Variants in IGFN1 observed in about 807,000 individuals in gnomAD.
IGFN1 encodes the protein immunoglobulin-like and fibronectin type III domain-containing protein 1.
A neutral mutation model predicts 289.5 loss-of-function variants in IGFN1; 253 were observed. The ratio of observed to expected loss-of-function variants is 0.87; its 90% confidence interval spans 0.79 to 0.97. The LOEUF is 0.97. Among genes scored for constraint, IGFN1 ranks in the 50% least tolerant of loss-of-function variants. The pLI is 0.00. For missense variants in IGFN1, 4,470 were observed against 4,686.1 expected, an observed-to-expected ratio of 0.95 and a Z score of 1.35; for synonymous variants, 1,706 against 1,788.5, an observed-to-expected ratio of 0.95 and a Z score of 1.16.
intron 7 of IGFN1, among the ~76,000 whole-genome samples, chr1:201,199,923 CA>C (rs1394776027): frequency 6.7e-6 from 1 of 148,266 alleles, no homozygotes; most frequent in Non-Finnish European, 1.5e-5. Context: ...TCCACCAGAA[CA>C]ATGATGTACT....
intron 3 of IGFN1, among the ~76,000 whole-genome samples, chr1:201,195,634 A>G (rs149498135): frequency 6.6e-6 from 1 of 152,282 alleles, no homozygotes; most frequent in East Asian, 1.9e-4. Context: ...AAGAGGAAGC[A>G]CTGCCTTCTG....
intron 21 of IGFN1, 95 bp downstream of exon 21, chr1:201,224,969 C>G: frequency 3.5e-6 from 3 of 866,444 alleles, no homozygotes; most frequent in Non-Finnish European, 5.2e-6. Context: ...CTCAGCCACT[C>G]TACCAGGGCT....
rs780716660 is a variant in IGFN1, at chr1:201,228,554, G to A, written c.*155G>A. 1.1e-5 allele frequency: 9 copies of A among 784,372 alleles called. No individual in the cohort carries two copies. Among genetic ancestry groups the A allele is most frequent in the African/African-American group, 6.9e-5 (4 of 58,056 alleles). 48.6% of individuals were successfully genotyped at this position (784,372 alleles called of 1,614,324 possible). ...CTGGCGAGGTTTTGGCCAGGAGGAC[G>A]TGAAGTCCTTGGGGAAGAAAAACAA... is the stretch of plus-strand genomic sequence containing the variant. On this transcript the variant is annotated 3_prime_UTR_variant, in exon 24 of 24. Transcript: ENST00000335211.
At position 201,226,044 on chromosome 1, in the gene IGFN1, C is replaced by T. The variant is rs1310517995; in HGVS notation, c.10707C>T (p.Phe3569=). Residue 3569 remains phenylalanine, a synonymous_variant, in exon 22 of 24, where the codon TTC becomes TTT. Coordinates refer to ENST00000335211, the MANE Select transcript of IGFN1 (RefSeq NM_001164586.2). The stretch of plus-strand genomic sequence containing the variant: ...TCCTCCCCGGCCACGAATACCACTT[C>T]AGGGTGGTGGCCAAGAATGAGCTGG... ...LGILPGHEYH[F]RVVAKNELGA... The T allele has an allele frequency of 6.3e-7, 1 of 1,599,002 alleles. No homozygotes were observed. Among genetic ancestry groups the T allele is most frequent in the Non-Finnish European group, 8.5e-7 (1 of 1,170,732 alleles).
At chr1:201,193,098 T>A in intron 1 of IGFN1, 149 bp from the exon 2 acceptor site, 1 of 574,822 alleles carries the variant, frequency 1.7e-6, no homozygotes. Context: ...AGGAAACTAA[T>A]CAGTGCCATT....
intron 4 of IGFN1, 46 bp from the exon 5 acceptor site, chr1:201,197,172 A>G: frequency 1.5e-5 from 17 of 1,172,060 alleles, no homozygotes; most frequent in Non-Finnish European, 1.9e-5. Context: ...TAAATGGAGG[A>G]AGGGGATGTG....
intron 4 of IGFN1, 128 bp from the exon 5 acceptor site, chr1:201,197,090 A>G: frequency 3.4e-6 from 2 of 587,152 alleles, no homozygotes; most frequent in East Asian, 2.9e-5. Flanking sequence ...TTCCTGATAA[A>G]GACTGTGAGC....
At position 201,207,725 on chromosome 1, in the gene IGFN1, C is replaced by T. The variant is rs1372978000; in HGVS notation, c.2832C>T (p.Gly944=). ...GPRGETGYKD[G]LEGPGRMESR... Reference sequence around the variant, plus strand: ...GAGGTGAGACAGGCTATAAGGATGGCTTGGAAGGTCCCGGGAGAATGGAAT... The same window carrying T: ...GAGGTGAGACAGGCTATAAGGATGGTTTGGAAGGTCCCGGGAGAATGGAAT... The change falls in exon 12 of 24, where the codon GGC becomes GGT. Residue 944 remains glycine (G), a synonymous_variant. Coordinates refer to ENST00000335211, the MANE Select transcript of IGFN1 (RefSeq NM_001164586.2). 6.5e-7 allele frequency: 1 copy of T among 1,536,996 alleles called. No homozygotes were observed. The highest frequency in any genetic ancestry group is 8.7e-7 in the Non-Finnish European group (1 of 1,146,850).
At chr1:201,216,251 G>T in intron 15 of IGFN1, 1 of 601,336 alleles carries the variant, frequency 1.7e-6, no homozygotes, top group Non-Finnish European at 3.0e-6. Flanking sequence ...GTGTGTGTTG[G>T]GGGTGGAGAC....
At chr1:201,199,681 T>G (rs1190531676) in intron 7 of IGFN1, 27 bp downstream of exon 7, 1 of 1,546,748 alleles carries the variant, frequency 6.5e-7, no homozygotes, top group Non-Finnish European at 8.7e-7. Context: ...CCATGAGGGA[T>G]TTTGGAGGCT....
chr1:201,208,386 G>A lies in IGFN1; in HGVS notation c.3493G>A (p.Gly1165Arg). ...GAGGGCAGGAAGCAAAGTGGGTGAG[G>A]GGGATGGGACAAGATGCCCTGGTGC... is the stretch of plus-strand genomic sequence containing the variant. ...SLRAGSKVGE[G>R]DGTRCPGAKA... The change falls in exon 12 of 24, where the codon GGG becomes AGG. Residue 1165 changes from glycine (G) to arginine (R), a missense_variant. Transcript: ENST00000335211. The A allele has an allele frequency of 6.9e-7, 1 of 1,456,832 alleles. No individual in the cohort carries two copies. The highest frequency in any genetic ancestry group is 2.5e-5 in the East Asian group (1 of 40,508). 90.2% of individuals were successfully genotyped at this position (1,456,832 alleles called of 1,614,324 possible). A position where few individuals can be genotyped will look rare whatever the true frequency, so the allele number is the denominator to read the frequency against.
At chr1:201,204,920 G>A (rs193152194) in intron 10 of IGFN1, among the ~76,000 whole-genome samples, 162 bp from the exon 11 acceptor site, 1 of 152,290 alleles carries the variant, frequency 6.6e-6, no homozygotes, top group East Asian at 1.9e-4. Flanking sequence ...TTACTTGGGG[G>A]GAATTGACAC....
At position 201,203,888 on chromosome 1, in the gene IGFN1, A is replaced by G; in HGVS notation, c.898A>G (p.Thr300Ala). Reference sequence around the variant, plus strand: ...GGTGGAGGATGCTGTGGTCTTCTCCACAGAACTGGAGGCCAGTGGTGAGTG... The same window carrying G: ...GGTGGAGGATGCTGTGGTCTTCTCCGCAGAACTGGAGGCCAGTGGTGAGTG... ...VKVEDAVVFS[T>A]ELEASAIPPR... is the part of the protein sequence containing the mutation. Residue 300 changes from threonine (T) to alanine (A), a missense_variant, in exon 10 of 24, where the codon ACA (threonine) becomes GCA (alanine). Physicochemically the swap from Thr to Ala is moderately conservative, Grantham distance 58. Coordinates refer to ENST00000335211, the MANE Select transcript of IGFN1 (RefSeq NM_001164586.2). 6.4e-7 allele frequency: 1 copy of G among 1,551,606 alleles called. No individual in the cohort carries two copies. Among genetic ancestry groups the G allele is most frequent in the South Asian group, 1.2e-5 (1 of 84,054 alleles).
Position 201,225,975 on chromosome 1 carries a change from G to A in IGFN1, c.10638G>A (p.Glu3546=). 1 of 1,581,818 alleles carries A rather than the reference G, an allele frequency of 6.3e-7. No homozygotes were observed. Among genetic ancestry groups the A allele is most frequent in the Non-Finnish European group, 8.6e-7 (1 of 1,161,596 alleles). The change falls in exon 22 of 24, where the codon GAG becomes GAA. Residue 3546 remains glutamate (E), a synonymous_variant. Coordinates refer to ENST00000335211, the MANE Select transcript of IGFN1 (RefSeq NM_001164586.2). ...TRSSAHGPWH[E]AADRIHTNRF... is the part of the protein sequence containing the mutation. ...CCTCAGCGCACGGTCCCTGGCACGA[G>A]GCAGCCGACCGCATCCACACCAACC...
At chr1:201,196,910 C>A (rs1228135442) in intron 4 of IGFN1, among the ~76,000 whole-genome samples, 1 of 152,180 alleles carries the variant, frequency 6.6e-6, no homozygotes, top group Non-Finnish European at 1.5e-5. Context: ...AGTTAGGTAA[C>A]TTGCCCAAGG....
At position 201,206,758 on chromosome 1, in the gene IGFN1, C is replaced by T; in HGVS notation, c.1865C>T (p.Pro622Leu). 6.5e-7 allele frequency: 1 copy of T among 1,536,694 alleles called. No individual in the cohort carries two copies. Among genetic ancestry groups the T allele is most frequent in the Non-Finnish European group, 8.7e-7 (1 of 1,146,884 alleles). Residue 622 changes from proline (P) to leucine (L), a missense_variant, in exon 12 of 24, where the codon CCA (proline) becomes CTA (leucine). Transcript: ENST00000335211. ...CAGTCTGATCCTGTAGGGTCCTGGC[C>T]AAGAGGAAAGCAGATAGAGATTTCA... Reference protein sequence around the residue: ...GCQSDPVGSWPRGKQIEISQD... With the variant: ...GCQSDPVGSWLRGKQIEISQD...
In IGFN1 at chr1:201,212,266, C is replaced by A. The variant is rs1224358882; in HGVS notation, c.7373C>A (p.Ser2458Ter). ...LGSQGGRQTL[S>*]DERGSTKDLG... ...TCTCAGGGAGGGCGACAGACTCTTTCAGATGAGCGAGGCTCCACCAAAGAT... is the reference window on the plus strand; with the variant it reads ...TCTCAGGGAGGGCGACAGACTCTTTAAGATGAGCGAGGCTCCACCAAAGAT... Residue 2458 changes from serine (S) to a stop codon, truncating the protein, a stop_gained, in exon 12 of 24, where the codon TCA becomes TAA. Coordinates refer to ENST00000335211, the MANE Select transcript of IGFN1 (RefSeq NM_001164586.2). LOFTEE classifies it high-confidence loss of function. The A allele has an allele frequency of 6.5e-7, 1 of 1,535,856 alleles. No homozygotes were observed. Among genetic ancestry groups the A allele is most frequent in the East Asian group, 2.4e-5 (1 of 40,916 alleles).
intron 4 of IGFN1, 29 bp downstream of exon 4, chr1:201,196,007 G>T: frequency 6.5e-7 from 1 of 1,547,714 alleles, no homozygotes. Context: ...CCCCTGACCA[G>T]GGTCTACTCG....
rs968356507 is a variant in IGFN1, at chr1:201,206,908, G to T, written c.2015G>T (p.Gly672Val). The stretch of plus-strand genomic sequence containing the variant: ...GCTGGAGACAGCAATGGGGCAGGAG[G>T]TCCTGGCACCCTGGAGCTTACTGGA... ...GEAGDSNGAG[G>V]PGTLELTGGR... The change falls in exon 12 of 24, where the codon GGT (glycine) becomes GTT (valine). Residue 672 changes from glycine to valine, a missense_variant. Coordinates refer to ENST00000335211, the MANE Select transcript of IGFN1 (RefSeq NM_001164586.2). The T allele has an allele frequency of 1.3e-6, 2 of 1,536,272 alleles. No homozygotes were observed. The highest frequency in any genetic ancestry group is 8.7e-7 in the Non-Finnish European group (1 of 1,146,522).
Sources: gnomAD v4.1 joint callset for allele counts (sites outside exome capture counted in the v4.1 genomes callset) on GRCh38, gnomAD v4.1.1 for gene constraint, MANE v1.5 for transcripts, NCBI Gene and HGNC (gene_info 2026-07-23, HGNC 2026-07-21) for gene names.